The following NT5DC1 variants were observed in gnomAD, a reference collection of about 807,000 sequenced individuals.
The protein encoded by NT5DC1 is 5'-nucleotidase domain containing 1.
Under a neutral mutation model 59.4 loss-of-function variants are expected in NT5DC1, and 42 were observed. The observed-to-expected ratio is 0.71, with a 90% CI of 0.55 to 0.92. NT5DC1 has a LOEUF of 0.92. Ranked by LOEUF, NT5DC1 falls within the 40% of genes least tolerant of loss-of-function variation. NT5DC1 has a pLI of 0.00. For missense variants in NT5DC1, 501 were observed against 537.1 expected (o/e 0.93, Z 0.66); for synonymous variants, 172 against 188.1 (o/e 0.91, Z 0.70).
intron 6 of NT5DC1, among the ~76,000 whole-genome samples, chr6:116,143,272 G>A (rs1027388220): frequency 6.6e-6 from 1 of 151,972 alleles, no homozygotes; most frequent in Non-Finnish European, 1.5e-5. Flanking sequence ...GTGCAGTGGC[G>A]CGATTTTGGC....
At chr6:116,214,976 G>A (rs1452600474) in intron 6 of NT5DC1, among the ~76,000 whole-genome samples, 3 of 152,054 alleles carry the variant, frequency 2.0e-5, no homozygotes, top group Admixed American at 6.6e-5. Flanking sequence ...AGGTCTCTAG[G>A]GTGGGGGGCA....
In NT5DC1 at chr6:116,110,824, C is replaced by T. The variant is rs754188006; in HGVS notation, c.258-26C>T. The T allele has an allele frequency of 3.5e-5, 52 of 1,493,656 alleles. No individual in the cohort carries two copies. In the Admixed American group the frequency reaches 8.2e-4, roughly 24 times the overall value. The allele number at this position is 1,493,656 out of a possible 1,614,324, so 92.5% of individuals were successfully genotyped here. A position where few individuals can be genotyped will look rare whatever the true frequency, so the allele number is the denominator to read the frequency against. ...GGGCATTCAAGGAACCATTAATGAGCAATGTGCCTCCTCTCTCAAAATCAG... is the reference window on the plus strand; with the variant it reads ...GGGCATTCAAGGAACCATTAATGAGTAATGTGCCTCCTCTCTCAAAATCAG... On this transcript the variant is annotated intron_variant, in intron 3 of 11. Coordinates refer to ENST00000319550, the MANE Select transcript of NT5DC1 (RefSeq NM_152729.3).
chr6:116,168,162 A>G (rs994341817), intron 6 of NT5DC1, among the ~76,000 whole-genome samples: 6 of 150,224 alleles, frequency 4.0e-5, no homozygotes, highest in African/African-American at 1.2e-4. Context: ...GTTTTGGAAA[A>G]TTCTGAGCCA....
intron 6 of NT5DC1, among the ~76,000 whole-genome samples, chr6:116,194,165 A>G (rs1428898278): frequency 6.6e-6 from 1 of 152,122 alleles, no homozygotes; most frequent in Non-Finnish European, 1.5e-5. Context: ...AATGTACAAA[A>G]AATGTGACAT....
rs567100156 is a variant in NT5DC1 at position 116,209,194 on chromosome 6, GC to G, written c.530-11858del. Among the ~76,000 whole-genome samples, 4 of 151,968 alleles carry G rather than the reference GC, an allele frequency of 2.6e-5. No homozygotes were observed. The East Asian group carries it at 7.8e-4, about 30-fold the overall frequency. On this transcript the variant is annotated intron_variant, in intron 6 of 11. Coordinates refer to ENST00000319550, the MANE Select transcript of NT5DC1 (RefSeq NM_152729.3). The stretch of plus-strand genomic sequence containing the variant: ...GATTCAGCAAACCTTTTCTTAAAGG[GC>G]CAGATAGTAAATATTATAGGCTTTG...
intron 6 of NT5DC1, chr6:116,119,745 T>C (rs947034767): frequency 9.6e-6 from 2 of 208,060 alleles, no homozygotes; most frequent in Non-Finnish European, 9.5e-6. Context: ...TCTATTTCTG[T>C]TTTTTTTTTT....
chr6:116,242,035 A>T (rs116567544), intron 11 of NT5DC1, among the ~76,000 whole-genome samples: 386 of 152,154 alleles, frequency 2.5e-3, no homozygotes, highest in African/African-American at 9.0e-3. Flanking sequence ...CATTAAATGT[A>T]TGTGACCAAA....
Position 116,244,985 on chromosome 6 carries a change from A to G in NT5DC1, c.*961A>G, listed in dbSNP as rs1309109654. On this transcript the variant is annotated 3_prime_UTR_variant, in exon 12 of 12. Transcript: ENST00000319550. ...ATATCATCCTATCCAACAAAATCTT[A>G]TTCCTTAGTATTAATTTATCTCATT... 1 of 152,212 alleles carries G rather than the reference A, an allele frequency of 6.6e-6. No homozygotes were observed. Among genetic ancestry groups the G allele is most frequent in the Non-Finnish European group, 1.5e-5 (1 of 68,032 alleles). The allele number at this position is 152,212 out of a possible 1,614,324, so 9.4% of individuals were successfully genotyped here. A position where few individuals can be genotyped will look rare whatever the true frequency, so the allele number is the denominator to read the frequency against.
chr6:116,164,654 A>G (rs777300821), intron 6 of NT5DC1, among the ~76,000 whole-genome samples: 2 of 152,160 alleles, frequency 1.3e-5, no homozygotes, highest in Non-Finnish European at 2.9e-5. Flanking sequence ...TTATGTAATT[A>G]TTTTATAGGA....
intron 3 of NT5DC1, 94 bp downstream of exon 3, chr6:116,108,529 G>T (rs1778808995): frequency 5.5e-6 from 4 of 728,288 alleles, no homozygotes; most frequent in South Asian, 1.6e-5. Context: ...GGTTAAATAT[G>T]ATTATTTTAA....
In NT5DC1 at chr6:116,120,750, G is replaced by A. The variant is rs768672956; in HGVS notation, c.529+2805G>A. On this transcript the variant is annotated intron_variant, in intron 6 of 11. Transcript: ENST00000319550. ...CCAGGGAATCCTGGAATGCCTGGTG[G>A]CCCAATAGGGCCTCTAGTACCTGGT... 1.9e-6 allele frequency: 3 copies of A among 1,601,698 alleles called. No homozygotes were observed. The Admixed American group carries it at 5.2e-5, about 28-fold the overall frequency.
chr6:116,117,744 T>A, intron 5 of NT5DC1, 117 bp from the exon 6 acceptor site: 1 of 612,594 alleles, frequency 1.6e-6, no homozygotes, highest in Admixed American at 3.1e-5. Context: ...ATAAAAAAAT[T>A]GTAAGTCTAA....
intron 8 of NT5DC1, among the ~76,000 whole-genome samples, chr6:116,229,439 T>G (rs1378098475): frequency 6.6e-6 from 1 of 152,136 alleles, no homozygotes; most frequent in Non-Finnish European, 1.5e-5. Context: ...GTCGCACAGG[T>G]TTGACGTCAG....
intron 6 of NT5DC1, among the ~76,000 whole-genome samples, chr6:116,131,625 C>T (rs1779467696): frequency 6.6e-6 from 1 of 152,044 alleles, no homozygotes; most frequent in Non-Finnish European, 1.5e-5. Context: ...CAACCATTGC[C>T]CTATAGGTGG....
At chr6:116,230,162 C>G (rs1781990574) in intron 8 of NT5DC1, among the ~76,000 whole-genome samples, 1 of 152,100 alleles carries the variant, frequency 6.6e-6, no homozygotes, top group South Asian at 2.1e-4. Flanking sequence ...CCATCTAACC[C>G]CTCCCCAACC....
chr6:116,118,433 C>T (rs1582810227), intron 6 of NT5DC1, among the ~76,000 whole-genome samples: 1 of 152,160 alleles, frequency 6.6e-6, no homozygotes, highest in Non-Finnish European at 1.5e-5. Flanking sequence ...GCTTGGATTA[C>T]ACAAGATTGC....
chr6:116,227,641 T>G (rs1470839551), intron 8 of NT5DC1, among the ~76,000 whole-genome samples: 2 of 151,850 alleles, frequency 1.3e-5, no homozygotes, highest in Non-Finnish European at 2.9e-5. Flanking sequence ...TTTTGTCTTT[T>G]TGATAACAGC....
intron 6 of NT5DC1, among the ~76,000 whole-genome samples, chr6:116,208,060 C>T (rs143633961): frequency 1.1e-3 from 167 of 152,106 alleles, no homozygotes; most frequent in African/African-American, 3.5e-3. Context: ...TTGAGCACTT[C>T]AGTCCTCAGT....
rs1327963775 is a variant in NT5DC1, at chr6:116,238,215, C to T, written c.950C>T (p.Ser317Leu). The T allele has an allele frequency of 6.2e-7, 1 of 1,611,616 alleles. No homozygotes were observed. Among genetic ancestry groups the T allele is most frequent in the Non-Finnish European group, 8.5e-7 (1 of 1,178,596 alleles). The change falls in exon 10 of 12, where the codon TCA becomes TTA. Residue 317 changes from serine (S) to leucine (L), a missense_variant. Transcript: ENST00000319550. ...KVVYFGDSMHSDIFPARHYSN... is the reference protein window; with the variant it reads ...KVVYFGDSMHLDIFPARHYSN... ...GTTTATTTTGGTGACAGCATGCATT[C>T]AGATATTTTCCCAGCTCGTCACTAT...
Sources: allele counts gnomAD v4.1 joint callset (sites outside exome capture counted in the v4.1 genomes callset), GRCh38; gene constraint gnomAD v4.1.1; transcripts MANE v1.5; gene names NCBI Gene and HGNC (gene_info 2026-07-23, HGNC 2026-07-21).